The following XRCC6 variants were observed in gnomAD, a reference collection of about 807,000 sequenced individuals.
XRCC6 encodes X-ray repair cross complementing 6.
XRCC6 carries 5 observed loss-of-function variants against 65.7 expected under a neutral mutation model. That is an observed-to-expected ratio of 0.08 (90% CI 0.04 to 0.16). The LOEUF is 0.16. Ranked by LOEUF, XRCC6 falls within the 10% of genes least tolerant of loss-of-function variation. XRCC6 has a pLI of 1.00. For missense variants in XRCC6, 447 were observed against 738.1 expected (o/e 0.61, Z 4.57); for synonymous variants, 270 against 270.6 (o/e 1.00, Z 0.02).
chr22:41,633,170 TA>T (rs1227522172), intron 3 of XRCC6, among the ~76,000 whole-genome samples: 1 of 151,986 alleles, frequency 6.6e-6, no homozygotes, highest in Non-Finnish European at 1.5e-5. Context: ...GAACTATGAA[TA>T]AAAACAATCG....
chr22:41,642,946 C>T (rs1284266488), intron 6 of XRCC6, among the ~76,000 whole-genome samples: 6 of 152,214 alleles, frequency 3.9e-5, no homozygotes, highest in Admixed American at 2.6e-4. Context: ...GCCCCAGGAA[C>T]CAAAATTTCT....
intron 9 of XRCC6, among the ~76,000 whole-genome samples, chr22:41,653,923 G>T (rs998844508): frequency 1.3e-5 from 2 of 152,180 alleles, no homozygotes; most frequent in Non-Finnish European, 2.9e-5. Flanking sequence ...CTAGGATAGA[G>T]AAATGTCTGC....
chr22:41,657,493 AT>A (rs1301378033), intron 10 of XRCC6, among the ~76,000 whole-genome samples: 2 of 10,034 alleles, frequency 2.0e-4, no homozygotes, highest in African/African-American at 6.0e-4. Context: ...TTAAAAATTT[AT>A]TATTATTATT....
chr22:41,642,023 A>G (rs2067883080), intron 6 of XRCC6, among the ~76,000 whole-genome samples: 1 of 152,200 alleles, frequency 6.6e-6, no homozygotes, highest in South Asian at 2.1e-4. Flanking sequence ...TCTGGACCTC[A>G]GGTGATCCAC....
At chr22:41,639,350 T>TTTTTC (rs2067848893) in intron 6 of XRCC6, among the ~76,000 whole-genome samples, 1 of 128,174 alleles carries the variant, frequency 7.8e-6, no homozygotes, top group African/African-American at 3.2e-5. Context: ...TTTTTTTTTT[T>TTTTTC]TTTTGAGACA....
intron 3 of XRCC6, among the ~76,000 whole-genome samples, chr22:41,628,805 A>G (rs1029179631): frequency 1.3e-5 from 2 of 151,772 alleles, no homozygotes; most frequent in Non-Finnish European, 2.9e-5. Flanking sequence ...TCTACTAACA[A>G]TGCAAAAATA....
At chr22:41,663,550 CCCATG>C in intron 12 of XRCC6, 67 bp from the exon 13 acceptor site, 1 of 1,522,758 alleles carries the variant, frequency 6.6e-7, no homozygotes, top group Non-Finnish European at 8.9e-7. Context: ...TACGAGGTCC[CCCATG>C]CCATGTAGCT....
At chr22:41,661,609 A>T in intron 12 of XRCC6, 165 bp downstream of exon 12, 1 of 626,446 alleles carries the variant, frequency 1.6e-6, no homozygotes, top group Middle Eastern at 3.1e-4. Context: ...ATGTGGAGAA[A>T]AGGGAACCCT....
At chr22:41,642,987 C>CT (rs2067893904) in intron 6 of XRCC6, among the ~76,000 whole-genome samples, 1 of 152,224 alleles carries the variant, frequency 6.6e-6, no homozygotes, top group Non-Finnish European at 1.5e-5. Flanking sequence ...CCAGTGTTGT[C>CT]TCCACGGTGT....
chr22:41,634,341 T>C (rs966837311), intron 3 of XRCC6, among the ~76,000 whole-genome samples: 1 of 151,652 alleles, frequency 6.6e-6, no homozygotes, highest in African/African-American at 2.4e-5. Context: ...ACTACAAGCA[T>C]GTGCATGCCC....
chr22:41,622,158 G>T, intron 2 of XRCC6, 72 bp downstream of exon 2: 1 of 1,515,862 alleles, frequency 6.6e-7, no homozygotes. Context: ...TCTGCTGGAT[G>T]GACTTTGCTG....
Position 41,650,943 on chromosome 22 carries a change from G to A in XRCC6, c.1129+52G>A, listed in dbSNP as rs72547480. The A allele has an allele frequency of 5.3e-4, 853 of 1,599,502 alleles. 9 individuals are homozygous for A. The East Asian group carries it at 0.015, about 29-fold the overall frequency. The stretch of plus-strand genomic sequence containing the variant: ...GACTCTAACACACAGTGCAGTTTAC[G>A]GAGCAGCGCTTTGTAAATGGGCACT... On this transcript the variant is annotated intron_variant, in intron 8 of 12. Coordinates refer to ENST00000360079, the MANE Select transcript of XRCC6 (RefSeq NM_001469.5).
At chr22:41,648,854 T>C (rs943703927) in intron 7 of XRCC6, among the ~76,000 whole-genome samples, 1 of 152,104 alleles carries the variant, frequency 6.6e-6, no homozygotes, top group African/African-American at 2.4e-5. Flanking sequence ...ACTGAGTTTC[T>C]TTCTTGGTCC....
At chr22:41,638,598 A>G (rs2067837164) in intron 6 of XRCC6, among the ~76,000 whole-genome samples, 1 of 152,106 alleles carries the variant, frequency 6.6e-6, no homozygotes, top group African/African-American at 2.4e-5. Context: ...ATCCTGGCCT[A>G]CATGGTGAAA....
At chr22:41,649,160 A>ATATATATATATATATGTATGTATG (rs1376197191) in intron 7 of XRCC6, among the ~76,000 whole-genome samples, 5 of 125,872 alleles carry the variant, frequency 4.0e-5, no homozygotes, top group African/African-American at 1.5e-4. Context: ...ATATATATAT[A>ATATATATATATATATGTATGTATG]TATGTATGTA....
At chr22:41,663,527 G>T in intron 12 of XRCC6, 95 bp from the exon 13 acceptor site, 1 of 1,395,944 alleles carries the variant, frequency 7.2e-7, no homozygotes, top group Non-Finnish European at 9.8e-7. Context: ...ATGGTTAATT[G>T]CAGCCCAGAT....
At chr22:41,657,167 T>A in intron 10 of XRCC6, 135 bp downstream of exon 10, 1 of 1,166,080 alleles carries the variant, frequency 8.6e-7, no homozygotes, top group Non-Finnish European at 1.1e-6. Context: ...TTAATAGTTT[T>A]TTGAAAGCCA....
In XRCC6 at chr22:41,646,931, C is replaced by T; in HGVS notation, c.809C>T (p.Ser270Phe). ...KLKLNKDIVI[S>F]VGIYNLVQKA... ...AAGCTCAACAAAGATATAGTGATCT[C>T]TGTGGGCATTTATAATCTGGTCCAG... Residue 270 changes from serine (S) to phenylalanine (F), a missense_variant, in exon 7 of 13, where the codon TCT (serine) becomes TTT (phenylalanine). Physicochemically the swap from Ser to Phe is radical, Grantham distance 155. Transcript: ENST00000360079. 6.2e-7 allele frequency: 1 copy of T among 1,613,866 alleles called. No individual in the cohort carries two copies. The highest frequency in any genetic ancestry group is 1.7e-5 in the Admixed American group (1 of 59,930).
rs1284135918 is a variant in XRCC6 at position 41,626,684 on chromosome 22, C to T, written c.83-1434C>T. ...ACCGAGTCTCACTCTGTCACCTAGGCTGGAGTGCAGTGGCGTGATCTCGGC... is the reference window on the plus strand; with the variant it reads ...ACCGAGTCTCACTCTGTCACCTAGGTTGGAGTGCAGTGGCGTGATCTCGGC... On this transcript the variant is annotated intron_variant, in intron 2 of 12. Coordinates refer to ENST00000360079, the MANE Select transcript of XRCC6 (RefSeq NM_001469.5). Among the ~76,000 whole-genome samples the T allele has an allele frequency of 2.0e-5, 3 of 147,304 alleles. No individual in the cohort carries two copies. The East Asian group carries it at 6.0e-4, about 29-fold the overall frequency.
Sources: allele counts gnomAD v4.1 joint callset (sites outside exome capture counted in the v4.1 genomes callset), GRCh38; gene constraint gnomAD v4.1.1; transcripts MANE v1.5; gene names NCBI Gene and HGNC (gene_info 2026-07-23, HGNC 2026-07-21).